LPAR1: variants seen among roughly 807,000 people sequenced by gnomAD.
The protein encoded by LPAR1 is lysophosphatidic acid receptor 1, also known as LPA receptor 1.
LPAR1 carries 5 observed loss-of-function variants against 23.8 expected under a neutral mutation model. That is an observed-to-expected ratio of 0.21 (90% CI 0.11 to 0.44). The LOEUF (loss-of-function observed/expected upper bound fraction) is 0.44, where lower values mean the gene tolerates loss of function less well. Ranked by LOEUF, LPAR1 falls within the 20% of genes least tolerant of loss-of-function variation. The pLI is 0.99. For missense variants in LPAR1, 311 were observed against 482.8 expected (o/e 0.64, Z 3.33); for synonymous variants, 160 against 164.7 (o/e 0.97, Z 0.22).
At chr9:110,881,387 T>G (rs1344578351) in intron 5 of LPAR1, among the ~76,000 whole-genome samples, 2 of 152,358 alleles carry the variant, frequency 1.3e-5, no homozygotes, top group African/African-American at 4.8e-5. Context: ...CATTATGTTC[T>G]CTTTTTAACA....
chr9:111,036,971 TACCTCTAAAATAC>T (rs2097907590), intron 1 of LPAR1, among the ~76,000 whole-genome samples: 1 of 152,208 alleles, frequency 6.6e-6, no homozygotes, highest in African/African-American at 2.4e-5. Context: ...CAAATAACCA[TACCTCTAAAATAC>T]ACCCTTTTTC....
chr9:111,013,449 A>G (rs755305093), intron 2 of LPAR1, among the ~76,000 whole-genome samples: 1 of 152,208 alleles, frequency 6.6e-6, no homozygotes, highest in Non-Finnish European at 1.5e-5. Context: ...ATTGCCCATT[A>G]TAAGCCTCAG....
At chr9:111,016,152 G>A (rs928265404) in intron 2 of LPAR1, among the ~76,000 whole-genome samples, 1 of 151,998 alleles carries the variant, frequency 6.6e-6, no homozygotes, top group Non-Finnish European at 1.5e-5. Flanking sequence ...TTTCAATGAA[G>A]CCTTTTATGG....
intron 5 of LPAR1, among the ~76,000 whole-genome samples, chr9:110,905,526 A>G (rs1300827768): frequency 6.6e-6 from 1 of 151,390 alleles, no homozygotes; most frequent in Non-Finnish European, 1.5e-5. Flanking sequence ...TTTTATTATT[A>G]TTATTTTTAG....
chr9:110,977,637 A>G (rs1482711389), intron 2 of LPAR1, among the ~76,000 whole-genome samples: 2 of 152,104 alleles, frequency 1.3e-5, no homozygotes, highest in African/African-American at 4.8e-5. Context: ...TTGAAAGAAC[A>G]CAGGGTTACT....
intron 4 of LPAR1, among the ~76,000 whole-genome samples, chr9:110,968,447 A>T (rs13283574): frequency 0.099 from 14,781 of 149,486 alleles, 855 homozygotes; most frequent in Non-Finnish European, 0.15. Flanking sequence ...TCTCTCTCTC[A>T]CACACACACA....
At chr9:110,984,834 TG>T (rs1182190027) in intron 2 of LPAR1, among the ~76,000 whole-genome samples, 1 of 148,362 alleles carries the variant, frequency 6.7e-6, no homozygotes, top group Non-Finnish European at 1.5e-5. Context: ...TTGAAATACG[TG>T]TAACTAATAA....
chr9:110,975,882 T>C (rs975841055), intron 2 of LPAR1, among the ~76,000 whole-genome samples: 5 of 152,206 alleles, frequency 3.3e-5, no homozygotes, highest in African/African-American at 9.6e-5. Context: ...TATTCACACA[T>C]TACAAGAACG....
rs777712568 is a variant in LPAR1, at chr9:110,875,434, T to C, written c.1082A>G (p.His361Arg). 1.9e-6 allele frequency: 3 copies of C among 1,610,812 alleles called. No homozygotes were observed. Among genetic ancestry groups the C allele is most frequent in the South Asian group, 1.1e-5 (1 of 90,890 alleles). ...TCAGTTTCCGTTCTAAACCACAGAGTGGTCATTGCTGTGAACTCCAGCCAA... is the reference window on the plus strand; with the variant it reads ...TCAGTTTCCGTTCTAAACCACAGAGCGGTCATTGCTGTGAACTCCAGCCAA... ...TILAGVHSNDHSVV is the reference protein window; with the variant it reads ...TILAGVHSNDRSVV The change falls in exon 6 of 6, where the codon CAC becomes CGC. Residue 361 changes from histidine (H) to arginine (R), a missense_variant. His to Arg is a conservative substitution (Grantham distance 29). Around this residue, in one of 2 missense-constraint regions of LPAR1, gnomAD observed 250 missense variants for 427.2 expected, o/e 0.59. Coordinates refer to ENST00000683809, the MANE Select transcript of LPAR1 (RefSeq NM_001351411.2).
intron 2 of LPAR1, among the ~76,000 whole-genome samples, chr9:110,978,253 G>A (rs966714973): frequency 5.9e-5 from 9 of 151,992 alleles, no homozygotes; most frequent in African/African-American, 2.2e-4. Context: ...TTATGAACTT[G>A]AATAAAAGCA....
chr9:111,002,627 C>A (rs2097148570), intron 2 of LPAR1, among the ~76,000 whole-genome samples: 1 of 152,140 alleles, frequency 6.6e-6, no homozygotes, highest in Admixed American at 6.5e-5. Context: ...GTGCAATATT[C>A]ATTGCTGTTT....
At chr9:111,015,673 C>T (rs991480486) in intron 2 of LPAR1, among the ~76,000 whole-genome samples, 4 of 152,016 alleles carry the variant, frequency 2.6e-5, no homozygotes, top group African/African-American at 9.7e-5. Flanking sequence ...AATAATAATG[C>T]ATTGTATATT....
intron 5 of LPAR1, among the ~76,000 whole-genome samples, chr9:110,889,088 G>C (rs900208375): frequency 6.6e-6 from 1 of 152,208 alleles, no homozygotes; most frequent in Non-Finnish European, 1.5e-5. Context: ...TTGGCCGGGT[G>C]CAGTGGCTCT....
At chr9:110,952,913 C>T (rs977050429) in intron 4 of LPAR1, among the ~76,000 whole-genome samples, 4 of 152,206 alleles carry the variant, frequency 2.6e-5, no homozygotes, top group Non-Finnish European at 5.9e-5. Context: ...CCTGCCCCAA[C>T]CACCACCACT....
intron 2 of LPAR1, among the ~76,000 whole-genome samples, chr9:110,990,518 A>G (rs566412445): frequency 6.6e-6 from 1 of 152,154 alleles, no homozygotes; most frequent in South Asian, 2.1e-4. Flanking sequence ...GGAGGTAATT[A>G]AAAAATCTTT....
chr9:110,977,194 C>T (rs551970525), intron 2 of LPAR1, among the ~76,000 whole-genome samples: 11 of 152,236 alleles, frequency 7.2e-5, no homozygotes, highest in African/African-American at 2.2e-4. Flanking sequence ...TAGTTTAGAG[C>T]GATGGGGGCT....
chr9:110,946,659 T>G (rs2095392231), intron 4 of LPAR1, among the ~76,000 whole-genome samples: 1 of 151,476 alleles, frequency 6.6e-6, no homozygotes, highest in African/African-American at 2.4e-5. Flanking sequence ...ATTTAACTCT[T>G]GAGAAAAGAA....
intron 2 of LPAR1, among the ~76,000 whole-genome samples, chr9:110,977,372 C>T (rs879922455): frequency 2.0e-4 from 30 of 152,166 alleles, no homozygotes; most frequent in Non-Finnish European, 3.7e-4. Context: ...GAAAAAGACA[C>T]TCCCAGCTGG....
At chr9:111,027,396 G>T (rs1041025872) in intron 2 of LPAR1, among the ~76,000 whole-genome samples, 1 of 152,094 alleles carries the variant, frequency 6.6e-6, no homozygotes, top group African/African-American at 2.4e-5. Flanking sequence ...AGCTACTCAG[G>T]AAGCTGAAGC....
Sources: allele counts gnomAD v4.1 joint callset (sites outside exome capture counted in the v4.1 genomes callset), GRCh38; gene constraint gnomAD v4.1.1; regional missense constraint gnomAD v4.1.1; transcripts MANE v1.5; gene names NCBI Gene and HGNC (gene_info 2026-07-23, HGNC 2026-07-21).